The following WDR20 variants were observed in gnomAD, a reference collection of about 807,000 sequenced individuals.
The protein encoded by WDR20 is WD repeat domain 20.
WDR20 carries 3 observed loss-of-function variants against 38.7 expected under a neutral mutation model. That is an observed-to-expected ratio of 0.08 (90% CI 0.04 to 0.20). The LOEUF is 0.20. Ranked by LOEUF, WDR20 falls within the 10% of genes least tolerant of loss-of-function variation. WDR20 has a pLI of 1.00. For synonymous variants in WDR20, 298 were observed against 285.6 expected, an observed-to-expected ratio of 1.04 and a Z score of -0.44; for missense variants, 559 against 727.7, an observed-to-expected ratio of 0.77 and a Z score of 2.67.
rs569440286 is a variant in WDR20, at chr14:102,203,412, T to C, written c.433-5191T>C. Among the ~76,000 whole-genome samples the C allele has an allele frequency of 3.9e-5, 6 of 152,324 alleles. No homozygotes were observed. The East Asian group carries it at 9.6e-4, about 24-fold the overall frequency. Reference sequence around the variant, plus strand: ...ACATTTTTAGAACCCTGTGTGTGTTTACACTGACAGCACATTCCACTTGAG... The same window carrying C: ...ACATTTTTAGAACCCTGTGTGTGTTCACACTGACAGCACATTCCACTTGAG... On this transcript the variant is annotated intron_variant, in intron 2 of 2. Coordinates refer to ENST00000342702, the MANE Select transcript of WDR20 (RefSeq NM_144574.4).
At chr14:102,173,556 T>G (rs1389324016) in intron 1 of WDR20, among the ~76,000 whole-genome samples, 1 of 151,546 alleles carries the variant, frequency 6.6e-6, no homozygotes, top group Non-Finnish European at 1.5e-5. Context: ...TTTCCTAGAT[T>G]TTGGTGCAGC....
At chr14:102,161,656 G>T (rs1423938916) in intron 1 of WDR20, among the ~76,000 whole-genome samples, 1 of 152,046 alleles carries the variant, frequency 6.6e-6, no homozygotes, top group Non-Finnish European at 1.5e-5. Context: ...AATTCCACAG[G>T]TACAGTGGGC....
intron 1 of WDR20, among the ~76,000 whole-genome samples, chr14:102,161,719 G>A (rs1336986060): frequency 1.3e-5 from 2 of 152,084 alleles, no homozygotes; most frequent in African/African-American, 4.8e-5. Context: ...GATTCCATTG[G>A]TTCTGCTTTC....
At chr14:102,178,314 C>T (rs970168480) in intron 1 of WDR20, among the ~76,000 whole-genome samples, 2 of 151,820 alleles carry the variant, frequency 1.3e-5, no homozygotes, top group African/African-American at 4.8e-5. Context: ...ATTGCTTGAA[C>T]CCCAGAGGCA....
At chr14:102,223,049 C>G (rs885586) in exon 4 of WDR20, 1 of 662,732 alleles carries the variant, frequency 1.5e-6, no homozygotes, top group Non-Finnish European at 2.5e-6. Flanking sequence ...GCCGTGCTCC[C>G]GCTGCTCACC....
At chr14:102,210,623 C>A (rs2062362167), downstream of WDR20, 6 of 821,142 alleles carry the variant, frequency 7.3e-6, no homozygotes, top group South Asian at 2.8e-4. Context: ...CCGAGGACGC[C>A]AACAGCATTG....
chr14:102,208,934 A>G lies in WDR20; in HGVS notation c.764A>G (p.His255Arg). The change falls in exon 3 of 3, where the codon CAC (histidine) becomes CGC (arginine). Residue 255 changes from histidine (H) to arginine (R), a missense_variant. Physicochemically the swap from His to Arg is conservative, Grantham distance 29. Transcript: ENST00000342702. This position sits in a 1 kb window ranked among gnomAD's most constrained non-coding sequence, Gnocchi z 5.6. The part of the protein sequence containing the change: ...RVFNFDSVEL[H>R]GTMKSYFGGL... ...TTCAACTTTGACTCAGTGGAGCTGC[A>G]CGGTACGATGAAAAGCTACTTTGGG... The G allele has an allele frequency of 6.2e-7, 1 of 1,614,174 alleles. No individual in the cohort carries two copies. The highest frequency in any genetic ancestry group is 8.5e-7 in the Non-Finnish European group (1 of 1,180,038).
chr14:102,202,815 C>T (rs966370121), intron 2 of WDR20, among the ~76,000 whole-genome samples: 2 of 152,180 alleles, frequency 1.3e-5, no homozygotes, highest in African/African-American at 4.8e-5. Context: ...GTAATCATAA[C>T]TCACTGCAGC....
chr14:102,208,408 A>G lies in WDR20; in HGVS notation c.433-195A>G, dbSNP rs2061949022. Among the ~76,000 whole-genome samples the G allele has an allele frequency of 6.6e-6, 1 of 152,234 alleles. No individual in the cohort carries two copies. Among genetic ancestry groups the G allele is most frequent in the Admixed American group, 6.5e-5 (1 of 15,292 alleles). Reference sequence around the variant, plus strand: ...CGTGAAAGCCAGCAGCCTAACACCGATTTTAGAAAGTAATTCTAAATTACC... The same window carrying G: ...CGTGAAAGCCAGCAGCCTAACACCGGTTTTAGAAAGTAATTCTAAATTACC... On this transcript the variant is annotated intron_variant, in intron 2 of 2. Coordinates refer to ENST00000342702, the MANE Select transcript of WDR20 (RefSeq NM_144574.4). This position sits in a 1 kb window ranked among gnomAD's most constrained non-coding sequence, Gnocchi z 5.6.
At chr14:102,179,727 T>TC (rs1200120056) in intron 1 of WDR20, among the ~76,000 whole-genome samples, 5 of 152,180 alleles carry the variant, frequency 3.3e-5, no homozygotes, top group African/African-American at 1.2e-4. Flanking sequence ...ACATACATTT[T>TC]CCAACAGGTG....
At chr14:102,186,336 G>A (rs894710069) in intron 1 of WDR20, among the ~76,000 whole-genome samples, 6 of 152,200 alleles carry the variant, frequency 3.9e-5, no homozygotes, top group African/African-American at 1.4e-4. Context: ...TGTTACTTGA[G>A]CGTTAAACTG....
chr14:102,152,555 T>C (rs1479764067), intron 1 of WDR20, among the ~76,000 whole-genome samples: 1 of 151,712 alleles, frequency 6.6e-6, no homozygotes, highest in Non-Finnish European at 1.5e-5. Flanking sequence ...GCTGGGACTA[T>C]AGGCGTGTGC....
chr14:102,144,411 G>T (rs1284994984), intron 1 of WDR20, among the ~76,000 whole-genome samples: 1 of 151,498 alleles, frequency 6.6e-6, no homozygotes, highest in Non-Finnish European at 1.5e-5. Flanking sequence ...GAACCCTGGA[G>T]TCGGAGGTTG....
At chr14:102,153,016 T>G (rs1026569280) in intron 1 of WDR20, among the ~76,000 whole-genome samples, 4 of 152,004 alleles carry the variant, frequency 2.6e-5, no homozygotes, top group African/African-American at 9.7e-5. Context: ...TGGGGCCTGG[T>G]GGGAGGTGAT....
At chr14:102,153,580 A>T (rs1220571426) in intron 1 of WDR20, among the ~76,000 whole-genome samples, 1 of 152,106 alleles carries the variant, frequency 6.6e-6, no homozygotes, top group Non-Finnish European at 1.5e-5. Context: ...TGCTGGGATT[A>T]CAGGCGTGAG....
At position 102,140,042 on chromosome 14, in the gene WDR20, T is replaced by G. The variant is rs913917397; in HGVS notation, c.119T>G (p.Phe40Cys). 1.2e-6 allele frequency: 2 copies of G among 1,614,004 alleles called. No individual in the cohort carries two copies. The highest frequency in any genetic ancestry group is 2.7e-5 in the African/African-American group (2 of 74,908). Reference protein sequence around the residue: ...SEYSRPNRVPFNSQGSNPVRV... With the variant: ...SEYSRPNRVPCNSQGSNPVRV... ...TACAGCCGGCCCAACCGGGTGCCCT[T>G]CAACTCGCAGGGATCCAACCCTGTC... The change falls in exon 1 of 3, where the codon TTC becomes TGC. Residue 40 changes from phenylalanine to cysteine, a missense_variant. Phe to Cys is a radical substitution (Grantham distance 205, BLOSUM62 -2). Coordinates refer to ENST00000342702, the MANE Select transcript of WDR20 (RefSeq NM_144574.4).
chr14:102,213,991 T>G, downstream of WDR20: 1 of 985,464 alleles, frequency 1.0e-6, no homozygotes, highest in African/African-American at 1.7e-5. Context: ...GCTTTGTGGG[T>G]GAGGGCATGG....
chr14:102,140,298 A>G, intron 1 of WDR20, 126 bp downstream of exon 1: 1 of 1,432,008 alleles, frequency 7.0e-7, no homozygotes, highest in Non-Finnish European at 9.4e-7. Flanking sequence ...TGGGCCGGTA[A>G]CTCCACTGGG....
rs576327266 is a variant in WDR20 at position 102,201,427 on chromosome 14, A to G, written c.432+6307A>G. On this transcript the variant is annotated intron_variant, in intron 2 of 2. Transcript: ENST00000342702. ...GAAAGCGTCAGTGTGAATTGCTTTCACAAAATGACACTTTGATGTGGTTAT... is the reference window on the plus strand; with the variant it reads ...GAAAGCGTCAGTGTGAATTGCTTTCGCAAAATGACACTTTGATGTGGTTAT... Among the ~76,000 whole-genome samples, 3 of 152,366 alleles carry G rather than the reference A, an allele frequency of 2.0e-5. No homozygotes were observed. The East Asian group carries it at 5.8e-4, about 29-fold the overall frequency.
Sources: gnomAD v4.1 joint callset for allele counts (sites outside exome capture counted in the v4.1 genomes callset) on GRCh38, gnomAD v4.1.1 for gene constraint, Gnocchi (gnomAD v3.1) non-coding constraint, MANE v1.5 for transcripts, NCBI Gene and HGNC (gene_info 2026-07-23, HGNC 2026-07-21) for gene names.